Variants in SCN11A observed in about 807,000 individuals in gnomAD.
SCN11A encodes sodium channel protein type 11 subunit alpha.
SCN11A carries 122 observed loss-of-function variants against 162.2 expected under a neutral mutation model. The ratio of observed to expected loss-of-function variants is 0.75; its 90% confidence interval spans 0.65 to 0.87. SCN11A has a LOEUF of 0.87. SCN11A is among the 40% of genes least tolerant of loss of function. The pLI, the probability that SCN11A is intolerant of heterozygous loss-of-function variation, is 0.00. For missense variants in SCN11A, 2,015 were observed against 2,181.6 expected (o/e 0.92, Z 1.52); for synonymous variants, 758 against 751.5 (o/e 1.01, Z -0.14).
intron 11 of SCN11A, among the ~76,000 whole-genome samples, chr3:38,911,886 C>A (rs991115643): frequency 6.6e-6 from 1 of 152,066 alleles, no homozygotes; most frequent in African/African-American, 2.4e-5. Flanking sequence ...CTTTCTGGTT[C>A]TCTTGTTTTG....
chr3:38,919,035 T>C (rs191860833), intron 11 of SCN11A, among the ~76,000 whole-genome samples: 75 of 152,358 alleles, frequency 4.9e-4, no homozygotes, highest in African/African-American at 1.7e-3. Flanking sequence ...CATGTTACTA[T>C]ACTGAATACT....
At chr3:38,947,755 T>G (rs2066539564) in intron 5 of SCN11A, among the ~76,000 whole-genome samples, 1 of 152,206 alleles carries the variant, frequency 6.6e-6, no homozygotes, top group Non-Finnish European at 1.5e-5. Flanking sequence ...GCTTCTAACA[T>G]CCACCTCCAG....
At chr3:38,865,862 G>T (rs1329368461) in intron 27 of SCN11A, among the ~76,000 whole-genome samples, 1 of 152,014 alleles carries the variant, frequency 6.6e-6, no homozygotes, top group African/African-American at 2.4e-5. Flanking sequence ...ATAAAACAAT[G>T]AGATAATACT....
At chr3:38,980,441 G>A (rs551822796) in intron 2 of SCN11A, among the ~76,000 whole-genome samples, 2 of 152,302 alleles carry the variant, frequency 1.3e-5, no homozygotes, top group African/African-American at 4.8e-5. Flanking sequence ...AACCACTGCA[G>A]ACAACTGTGA....
At chr3:38,865,971 A>ATTCT (rs2065033846) in intron 27 of SCN11A, among the ~76,000 whole-genome samples, 1 of 152,232 alleles carries the variant, frequency 6.6e-6, no homozygotes, top group Non-Finnish European at 1.5e-5. Context: ...AAGGGTACCT[A>ATTCT]GCACAGCATT....
intron 28 of SCN11A, among the ~76,000 whole-genome samples, chr3:38,853,786 C>T (rs1277220464): frequency 6.6e-6 from 1 of 152,196 alleles, no homozygotes; most frequent in Non-Finnish European, 1.5e-5. Context: ...TTTCAGCCTC[C>T]ACTGACCTGC....
chr3:38,898,782 G>A (rs58232189), intron 17 of SCN11A, among the ~76,000 whole-genome samples: 1 of 151,990 alleles, frequency 6.6e-6, no homozygotes, highest in Non-Finnish European at 1.5e-5. Flanking sequence ...TTGCAGGTCA[G>A]TAAGGCTTCT....
intron 17 of SCN11A, 28 bp downstream of exon 17, chr3:38,899,866 T>C (rs368832681): frequency 2.9e-5 from 46 of 1,596,298 alleles, no homozygotes; most frequent in Non-Finnish European, 3.8e-5. Flanking sequence ...CAGCTACGTT[T>C]ATGCAGTAAA....
intron 8 of SCN11A, among the ~76,000 whole-genome samples, chr3:38,926,123 A>G (rs913458525): frequency 2.0e-5 from 3 of 152,220 alleles, no homozygotes. Context: ...GCAATGTGTC[A>G]CTGCATTTCT....
intron 2 of SCN11A, among the ~76,000 whole-genome samples, chr3:39,022,793 A>C (rs1165388551): frequency 1.3e-5 from 2 of 152,040 alleles, no homozygotes; most frequent in Non-Finnish European, 2.9e-5. Context: ...AGGCAAGAAG[A>C]TTTTGAGCTC....
intron 19 of SCN11A, among the ~76,000 whole-genome samples, chr3:38,890,706 A>G (rs1242519370): frequency 6.6e-6 from 1 of 152,268 alleles, no homozygotes; most frequent in African/African-American, 2.4e-5. Context: ...AAAGAGGCAG[A>G]CAGCTTAACA....
intron 11 of SCN11A, among the ~76,000 whole-genome samples, chr3:38,919,684 T>C (rs996070305): frequency 3.9e-5 from 6 of 152,230 alleles, no homozygotes; most frequent in African/African-American, 1.4e-4. Context: ...TCCATAAAGT[T>C]GAAATATCAC....
At chr3:38,901,716 A>G (rs73826398) in intron 16 of SCN11A, among the ~76,000 whole-genome samples, 2,416 of 152,252 alleles carry the variant, frequency 0.016, 67 homozygotes, top group African/African-American at 0.056. Flanking sequence ...CTCCACCACT[A>G]CTACCATGGG....
rs754872568 is a variant in SCN11A at position 38,907,355 on chromosome 3, T to TACACAC, written c.1473+593_1473+594insGTGTGT. ...GTGTGTGTGTGTGTATATATCTATA[T>TACACAC]ATACACACACACACACACACACACA... On this transcript the variant is annotated intron_variant, in intron 14 of 29. Coordinates refer to ENST00000302328, the MANE Select transcript of SCN11A (RefSeq NM_001349253.2). 8.8e-4 allele frequency among the ~76,000 whole-genome samples: 22 copies of TACACAC among 24,896 alleles called. No homozygotes were observed. The South Asian group carries it at 9.3e-3, about 11-fold the overall frequency. The allele number at this position is 24,896 out of a possible 152,430, so 16.3% of individuals were successfully genotyped here.
intron 2 of SCN11A, among the ~76,000 whole-genome samples, chr3:38,972,375 A>G (rs1473117308): frequency 6.6e-6 from 1 of 152,162 alleles, no homozygotes; most frequent in African/African-American, 2.4e-5. Flanking sequence ...GGCTTGGGTC[A>G]TTGGCAGCCC....
chr3:38,851,843 A>C (rs2064785787), intron 28 of SCN11A, among the ~76,000 whole-genome samples: 1 of 152,174 alleles, frequency 6.6e-6, no homozygotes, highest in Non-Finnish European at 1.5e-5. Context: ...AAAAGCATAT[A>C]GGCTTAAGAG....
chr3:38,980,500 G>A (rs1018596952), intron 2 of SCN11A, among the ~76,000 whole-genome samples: 2 of 152,230 alleles, frequency 1.3e-5, no homozygotes, highest in African/African-American at 4.8e-5. Context: ...CTCTTACTGC[G>A]GAGCCCAGGC....
At chr3:38,905,081 TTGGTTCCAAAACA>T in intron 15 of SCN11A, 98 bp downstream of exon 15, 1 of 1,377,586 alleles carries the variant, frequency 7.3e-7, no homozygotes, top group Non-Finnish European at 1.0e-6. Flanking sequence ...GTACAGTGGG[TTGGTTCCAAAACA>T]GCCTCCTTTG....
chr3:38,976,197 T>C (rs2066848255), intron 2 of SCN11A, among the ~76,000 whole-genome samples: 1 of 152,162 alleles, frequency 6.6e-6, no homozygotes, highest in East Asian at 1.9e-4. Flanking sequence ...TACATGCTTG[T>C]TATGAGACAC....
Sources: allele counts gnomAD v4.1 joint callset (sites outside exome capture counted in the v4.1 genomes callset), GRCh38; gene constraint gnomAD v4.1.1; transcripts MANE v1.5; gene names NCBI Gene and HGNC (gene_info 2026-07-23, HGNC 2026-07-21).